Variants in KANK4 observed in about 807,000 individuals in gnomAD.
KANK4 encodes the protein KN motif and ankyrin repeat domains 4.
A neutral mutation model predicts 80.8 loss-of-function variants in KANK4; 50 were observed. The ratio of observed to expected loss-of-function variants is 0.62; its 90% CI spans 0.49 to 0.78. The LOEUF is 0.78. Among genes scored for constraint, KANK4 ranks in the 30% least tolerant of loss-of-function variants. The probability of loss-of-function intolerance (pLI) is 0.00; values close to 1 mark genes in which losing one functional copy is unlikely to be tolerated. For synonymous variants in KANK4, 465 were observed against 506.9 expected (o/e 0.92, Z 1.11); for missense variants, 1,196 against 1,240.1 (o/e 0.96, Z 0.53).
intron 1 of KANK4, among the ~76,000 whole-genome samples, chr1:62,301,412 A>T (rs1644411067): frequency 6.6e-6 from 1 of 152,128 alleles, no homozygotes; most frequent in Non-Finnish European, 1.5e-5. Flanking sequence ...CCTGGCCAAC[A>T]GCAAGGTGAA....
intron 1 of KANK4, among the ~76,000 whole-genome samples, chr1:62,303,568 G>A (rs55948475): frequency 0.062 from 9,430 of 151,950 alleles, 960 homozygotes; most frequent in African/African-American, 0.21. Flanking sequence ...GCCCAATATC[G>A]TAGCCACCAA....
At chr1:62,263,801 C>A (rs975635682) in intron 6 of KANK4, among the ~76,000 whole-genome samples, 1 of 152,182 alleles carries the variant, frequency 6.6e-6, no homozygotes, top group Non-Finnish European at 1.5e-5. Context: ...ACAACATCTC[C>A]AATTTATGCT....
Position 62,274,518 on chromosome 1 carries a change from C to T in KANK4, c.586G>A (p.Glu196Lys), listed in dbSNP as rs994627427. The change falls in exon 3 of 10, where the codon GAA (glutamate) becomes AAA (lysine). Residue 196 changes from glutamate (E) to lysine (K), a missense_variant. By Grantham distance (56) the Glu-to-Lys change is moderately conservative. This residue lies in a region of KANK4 where 1,154 missense variants were observed against 1,179.6 expected (regional missense o/e 0.98). Transcript: ENST00000371153. ...AAGGTGCCATCACAGACACTGCCTT[C>T]ACCCTGAAGGGGAGGGAGGGCAGGA... ...APPALPPLQG[E>K]GSVCDGTFEP... 2 of 1,614,120 alleles carry T rather than the reference C, an allele frequency of 1.2e-6. No homozygotes were observed. The highest frequency in any genetic ancestry group is 2.7e-5 in the African/African-American group (2 of 74,946).
chr1:62,298,971 C>T (rs1644389943), intron 1 of KANK4, among the ~76,000 whole-genome samples: 1 of 151,888 alleles, frequency 6.6e-6, no homozygotes, highest in Admixed American at 6.6e-5. Context: ...GAAGCCTAAG[C>T]TCAGAGAGGC....
At chr1:62,284,457 C>A (rs374699769) in intron 1 of KANK4, among the ~76,000 whole-genome samples, 3 of 152,142 alleles carry the variant, frequency 2.0e-5, no homozygotes, top group Admixed American at 2.0e-4. Flanking sequence ...GCTGGGATTA[C>A]GGTCGCGCGC....
chr1:62,238,632 CTTTTTTT>C (rs199999610), intron 9 of KANK4, among the ~76,000 whole-genome samples: 1 of 142,216 alleles, frequency 7.0e-6, no homozygotes, highest in Non-Finnish European at 1.5e-5. Context: ...TTTTAATGCT[CTTTTTTT>C]TTTTTTTTGA....
intron 1 of KANK4, among the ~76,000 whole-genome samples, chr1:62,292,289 G>T (rs1227548412): frequency 3.9e-5 from 6 of 152,042 alleles, no homozygotes; most frequent in Non-Finnish European, 5.9e-5. Context: ...CCATACAAGG[G>T]CCCATTCTGT....
chr1:62,288,049 T>C (rs1287657929), intron 1 of KANK4, among the ~76,000 whole-genome samples: 2 of 152,160 alleles, frequency 1.3e-5, no homozygotes, highest in Non-Finnish European at 2.9e-5. Flanking sequence ...TTCTCTAAGA[T>C]GCAGATGGAA....
chr1:62,316,245 AT>A (rs1644539298), intron 1 of KANK4, among the ~76,000 whole-genome samples: 1 of 152,206 alleles, frequency 6.6e-6, no homozygotes, highest in African/African-American at 2.4e-5. Flanking sequence ...ATGTAATAAT[AT>A]TGCAGGCAAA....
At position 62,263,195 on chromosome 1, in the gene KANK4, G is replaced by A; in HGVS notation, c.2436C>T (p.Phe812=). The A allele has an allele frequency of 1.1e-5, 18 of 1,614,022 alleles. No individual in the cohort carries two copies. Among genetic ancestry groups the A allele is most frequent in the Non-Finnish European group, 1.4e-5 (16 of 1,179,940 alleles). ...CGGCCAAGTTGACAAGCAGTTTCAG[G>A]AAGTGTGGGGAGTGAGGCTGGACCT... ...LHEVQPHSPH[F]LKLLVNLADH... Residue 812 remains phenylalanine, a synonymous_variant, in exon 7 of 10, where the codon TTC becomes TTT. Coordinates refer to ENST00000371153, the MANE Select transcript of KANK4 (RefSeq NM_181712.5).
intron 8 of KANK4, among the ~76,000 whole-genome samples, chr1:62,249,198 T>C (rs1417573443): frequency 6.6e-6 from 1 of 151,572 alleles, no homozygotes; most frequent in Admixed American, 6.6e-5. Flanking sequence ...TGATTTGTCC[T>C]GTGTACCTCG....
chr1:62,262,543 C>T (rs1446486278), intron 7 of KANK4, among the ~76,000 whole-genome samples: 2 of 151,984 alleles, frequency 1.3e-5, no homozygotes, highest in Non-Finnish European at 2.9e-5. Flanking sequence ...TGCCTGTCAA[C>T]CAATGAGTGG....
chr1:62,302,626 C>T (rs1309910896), intron 1 of KANK4, among the ~76,000 whole-genome samples: 1 of 151,950 alleles, frequency 6.6e-6, no homozygotes, highest in Non-Finnish European at 1.5e-5. Flanking sequence ...CAGAGTGCTC[C>T]CTGGCCTCTT....
intron 1 of KANK4, among the ~76,000 whole-genome samples, chr1:62,307,983 C>T (rs1270753026): frequency 6.6e-6 from 1 of 152,162 alleles, no homozygotes; most frequent in Non-Finnish European, 1.5e-5. Context: ...ATGCCACTCA[C>T]ACCTCACCCC....
At position 62,247,451 on chromosome 1, in the gene KANK4, T is replaced by C. The variant is rs776963867; in HGVS notation, c.2883+21A>G. 4.3e-6 allele frequency: 7 copies of C among 1,611,714 alleles called. No individual in the cohort carries two copies. The South Asian group carries it at 4.4e-5, about 10-fold the overall frequency. On this transcript the variant is annotated intron_variant, in intron 9 of 9. Transcript: ENST00000371153. ...CACCCTGCCCAGCAACAGCTACTTG[T>C]TAATTGCCTGTAAGTCTCACCTTGT...
intron 1 of KANK4, among the ~76,000 whole-genome samples, chr1:62,318,466 C>T (rs1053519881): frequency 6.6e-6 from 1 of 152,342 alleles, no homozygotes; most frequent in Admixed American, 6.5e-5. Flanking sequence ...AGGAGGCATG[C>T]GGGCTGGGCA....
chr1:62,247,115 T>C (rs370010147), intron 9 of KANK4, among the ~76,000 whole-genome samples: 53 of 151,582 alleles, frequency 3.5e-4, no homozygotes, highest in African/African-American at 1.2e-3. Flanking sequence ...GGTCTTGAAC[T>C]CTTGGCCTCA....
At chr1:62,303,611 C>G (rs1644429334) in intron 1 of KANK4, among the ~76,000 whole-genome samples, 1 of 151,980 alleles carries the variant, frequency 6.6e-6, no homozygotes, top group African/African-American at 2.4e-5. Flanking sequence ...CTACATGTTA[C>G]TTAACTAACT....
At chr1:62,314,847 C>T (rs932122201) in intron 1 of KANK4, among the ~76,000 whole-genome samples, 2 of 152,144 alleles carry the variant, frequency 1.3e-5, no homozygotes, top group Admixed American at 6.5e-5. Context: ...AGGGCCTGGG[C>T]GAGACAGTGA....
Sources: gnomAD v4.1 joint callset for allele counts (sites outside exome capture counted in the v4.1 genomes callset) on GRCh38, gnomAD v4.1.1 for gene constraint, gnomAD v4.1.1 regional missense constraint, MANE v1.5 for transcripts, NCBI Gene and HGNC (gene_info 2026-07-23, HGNC 2026-07-21) for gene names.